The following NDST4 variants were observed in gnomAD, a reference collection of about 807,000 sequenced individuals.
NDST4 encodes N-heparan sulfate sulfotransferase 4.
In NDST4, 63 loss-of-function variants were observed where a neutral mutation model predicts 100.8. That is an observed-to-expected ratio of 0.62 (90% CI 0.51 to 0.77). NDST4 has a LOEUF of 0.77. Among genes scored for constraint, NDST4 ranks in the 30% least tolerant of loss-of-function variants. The pLI is 0.00. For missense variants in NDST4, 943 were observed against 1,018.4 expected, an observed-to-expected ratio of 0.93 and a Z score of 1.01; for synonymous variants, 377 against 361.8, an observed-to-expected ratio of 1.04 and a Z score of -0.48.
At chr4:114,909,072 A>G (rs1725010207) in intron 6 of NDST4, among the ~76,000 whole-genome samples, 1 of 152,170 alleles carries the variant, frequency 6.6e-6, no homozygotes, top group South Asian at 2.1e-4. Context: ...TAATTAAAAC[A>G]GTATGGTGAT....
intron 4 of NDST4, among the ~76,000 whole-genome samples, chr4:114,943,352 T>G (rs72910641): frequency 0.15 from 23,461 of 151,764 alleles, 2,894 homozygotes; most frequent in African/African-American, 0.34. Context: ...AACTTAATTA[T>G]GTAATTCACC....
At chr4:114,975,138 G>A (rs1005874293) in intron 3 of NDST4, among the ~76,000 whole-genome samples, 10 of 152,174 alleles carry the variant, frequency 6.6e-5, no homozygotes, top group Non-Finnish European at 1.3e-4. Flanking sequence ...AGGGTATCAC[G>A]TTGTGTAACT....
chr4:114,859,451 G>A (rs190337363), intron 7 of NDST4, among the ~76,000 whole-genome samples: 208 of 152,298 alleles, frequency 1.4e-3, no homozygotes, highest in African/African-American at 4.6e-3. Context: ...GAAAAAATGT[G>A]TCTGGTTGGA....
At chr4:115,058,881 T>C (rs1206019018) in intron 2 of NDST4, among the ~76,000 whole-genome samples, 2 of 152,102 alleles carry the variant, frequency 1.3e-5, no homozygotes, top group African/African-American at 4.8e-5. Flanking sequence ...TCTTAGCAGG[T>C]AGTAAAACTA....
intron 2 of NDST4, among the ~76,000 whole-genome samples, chr4:115,062,685 A>G (rs1029342824): frequency 1.3e-5 from 2 of 151,750 alleles, no homozygotes; most frequent in Admixed American, 6.6e-5. Context: ...AAAGGCATAC[A>G]GAGTATGCAA....
At chr4:115,113,084 G>C (rs766276066) in intron 1 of NDST4, among the ~76,000 whole-genome samples, 3 of 151,984 alleles carry the variant, frequency 2.0e-5, no homozygotes, top group Admixed American at 1.3e-4. Flanking sequence ...AGTTAACTTT[G>C]GATGTTGAGT....
chr4:114,933,556 G>A (rs1725562638), intron 6 of NDST4, among the ~76,000 whole-genome samples: 1 of 147,994 alleles, frequency 6.8e-6, no homozygotes. Flanking sequence ...AAATAACAGA[G>A]TGAAAAAGAC....
intron 2 of NDST4, among the ~76,000 whole-genome samples, chr4:115,002,132 T>C (rs1727304467): frequency 6.6e-6 from 1 of 152,032 alleles, no homozygotes; most frequent in African/African-American, 2.4e-5. Context: ...TGTAAAAGGG[T>C]TCTTATTTCT....
intron 2 of NDST4, among the ~76,000 whole-genome samples, chr4:115,063,850 T>A (rs1728876079): frequency 6.6e-6 from 1 of 151,580 alleles, no homozygotes; most frequent in African/African-American, 2.4e-5. Context: ...TTTTTTTTTT[T>A]ACCAAAATAC....
chr4:114,852,488 G>C (rs1723698932), intron 8 of NDST4, among the ~76,000 whole-genome samples: 6 of 152,152 alleles, frequency 3.9e-5, no homozygotes, highest in Admixed American at 3.9e-4. Flanking sequence ...ATGTTGAACA[G>C]TTTTAAAGTT....
At chr4:115,045,971 G>T (rs1560578998) in intron 2 of NDST4, among the ~76,000 whole-genome samples, 1 of 152,102 alleles carries the variant, frequency 6.6e-6, no homozygotes, top group African/African-American at 2.4e-5. Flanking sequence ...ATATTTACCG[G>T]AAGGTACGCC....
chr4:114,957,597 C>A (rs1726167745), intron 4 of NDST4, among the ~76,000 whole-genome samples: 1 of 152,170 alleles, frequency 6.6e-6, no homozygotes, highest in Admixed American at 6.5e-5. Context: ...CAACAGTCCC[C>A]CAAAGTTTTT....
chr4:114,972,703 G>C lies in NDST4; in HGVS notation c.1067-2119C>G, dbSNP rs148685096. Among the ~76,000 whole-genome samples the C allele has an allele frequency of 4.5e-3, 686 of 152,024 alleles. 3 individuals carry two copies. The highest frequency in any genetic ancestry group is 6.9e-3 in the Non-Finnish European group (467 of 67,850). On this transcript the variant is annotated intron_variant, in intron 3 of 13. Transcript: ENST00000264363. ...GAATTGATAGTTCTCCCACCCTCCT[G>C]GAATTGTCTTGTGTGCTTTGAATAC...
chr4:114,897,647 C>T (rs562098325), intron 6 of NDST4, among the ~76,000 whole-genome samples: 134 of 152,226 alleles, frequency 8.8e-4, no homozygotes, highest in Non-Finnish European at 1.5e-3. Flanking sequence ...TCATAAGAAA[C>T]AAATACACTG....
At chr4:114,968,205 C>T (rs943225620) in intron 4 of NDST4, among the ~76,000 whole-genome samples, 20 of 152,164 alleles carry the variant, frequency 1.3e-4, no homozygotes, top group African/African-American at 4.8e-4. Context: ...AACTTTGTAA[C>T]ATATCATAGT....
intron 2 of NDST4, among the ~76,000 whole-genome samples, chr4:115,045,060 C>T (rs1728436272): frequency 6.6e-6 from 1 of 151,952 alleles, no homozygotes; most frequent in Non-Finnish European, 1.5e-5. Context: ...CAGAGTTGAA[C>T]ATGTGAATAC....
chr4:115,032,066 T>C (rs1728128398), intron 2 of NDST4, among the ~76,000 whole-genome samples: 5 of 152,152 alleles, frequency 3.3e-5, no homozygotes, highest in Admixed American at 3.3e-4. Flanking sequence ...CATAAAATTA[T>C]GAGCTCTTCT....
intron 4 of NDST4, among the ~76,000 whole-genome samples, chr4:114,959,948 T>A (rs1049303151): frequency 5.9e-5 from 9 of 152,110 alleles, no homozygotes; most frequent in Admixed American, 5.2e-4. Context: ...CTCAGTGAAC[T>A]AGAACTAAAA....
At chr4:115,110,205 T>C (rs749280555) in intron 1 of NDST4, among the ~76,000 whole-genome samples, 4 of 152,106 alleles carry the variant, frequency 2.6e-5, no homozygotes, top group Admixed American at 1.3e-4. Context: ...ACATTCTGCA[T>C]TGCAAATAAC....
Sources: allele counts gnomAD v4.1 joint callset (sites outside exome capture counted in the v4.1 genomes callset), GRCh38; gene constraint gnomAD v4.1.1; transcripts MANE v1.5; gene names NCBI Gene and HGNC (gene_info 2026-07-23, HGNC 2026-07-21).